FHIT: variants seen among roughly 807,000 people sequenced by gnomAD.
The protein encoded by FHIT is fragile histidine triad diadenosine triphosphatase.
In FHIT, 19 loss-of-function variants were observed where a neutral mutation model predicts 17.9. The ratio of observed to expected loss-of-function variants is 1.06; its 90% CI spans 0.74 to 1.56. FHIT has a LOEUF of 1.56. Among genes scored for constraint, FHIT ranks in the 40% most tolerant of loss-of-function variants. The pLI is 0.00. For missense variants in FHIT, 248 were observed against 189.2 expected, an observed-to-expected ratio of 1.31 and a Z score of -1.82; for synonymous variants, 81 against 69.7, an observed-to-expected ratio of 1.16 and a Z score of -0.81.
chr3:60,968,379 T>C (rs1047800977), intron 3 of FHIT, among the ~76,000 whole-genome samples: 26 of 151,998 alleles, frequency 1.7e-4, no homozygotes, highest in Non-Finnish European at 2.2e-4. Context: ...AACAAGAAAA[T>C]TGTTAATATT....
intron 8 of FHIT, among the ~76,000 whole-genome samples, chr3:59,854,562 C>T (rs1334608539): frequency 6.6e-6 from 1 of 152,172 alleles, no homozygotes; most frequent in Non-Finnish European, 1.5e-5. Flanking sequence ...TCTCACACCG[C>T]AGAGCACTCT....
chr3:60,074,120 C>G (rs1702902577), intron 5 of FHIT, among the ~76,000 whole-genome samples: 1 of 152,062 alleles, frequency 6.6e-6, no homozygotes. Flanking sequence ...GTGACAGACA[C>G]ATGGACTTAA....
At chr3:60,842,647 T>TATA (rs1406123749) in intron 3 of FHIT, among the ~76,000 whole-genome samples, 2,189 of 92,184 alleles carry the variant, frequency 0.024, 29 homozygotes, top group Non-Finnish European at 0.031. Context: ...ATATATATAT[T>TATA]TTTTTTTTTT....
chr3:60,569,173 C>T (rs1296721645), intron 4 of FHIT, among the ~76,000 whole-genome samples: 1 of 152,048 alleles, frequency 6.6e-6, no homozygotes, highest in Admixed American at 6.6e-5. Context: ...ACCAAGGTAA[C>T]ATTTCAGGCA....
intron 9 of FHIT, chr3:59,751,991 G>GA: frequency 2.3e-6 from 1 of 432,652 alleles, no homozygotes; most frequent in East Asian, 3.6e-5. Context: ...GTGGGCTGGG[G>GA]GCACTGGCTT....
At chr3:59,767,130 G>A (rs1375651568) in intron 8 of FHIT, among the ~76,000 whole-genome samples, 1 of 152,194 alleles carries the variant, frequency 6.6e-6, no homozygotes, top group Non-Finnish European at 1.5e-5. Flanking sequence ...TACAACAGGA[G>A]GGGGTCAGAT....
At chr3:61,026,576 T>C (rs777437141) in intron 3 of FHIT, among the ~76,000 whole-genome samples, 2 of 152,212 alleles carry the variant, frequency 1.3e-5, no homozygotes, top group Non-Finnish European at 2.9e-5. Context: ...GCCCACAGGC[T>C]GCACACAGCT....
intron 5 of FHIT, among the ~76,000 whole-genome samples, chr3:60,264,726 G>T (rs927092289): frequency 6.6e-6 from 1 of 151,856 alleles, no homozygotes; most frequent in Non-Finnish European, 1.5e-5. Context: ...TTATTTCAGT[G>T]GTTCTTGAAT....
At chr3:60,989,571 A>T (rs1283562075) in intron 3 of FHIT, among the ~76,000 whole-genome samples, 1 of 152,186 alleles carries the variant, frequency 6.6e-6, no homozygotes, top group African/African-American at 2.4e-5. Context: ...AACGTTGTCA[A>T]CTGAAGTTAG....
chr3:61,215,533 TAGG>T (rs1414849046), intron 1 of FHIT, among the ~76,000 whole-genome samples: 1 of 152,090 alleles, frequency 6.6e-6, no homozygotes, highest in Non-Finnish European at 1.5e-5. Context: ...TGCTCATGGG[TAGG>T]AAGAATCAAT....
intron 7 of FHIT, among the ~76,000 whole-genome samples, chr3:59,944,047 A>G (rs1283866402): frequency 6.6e-6 from 1 of 152,234 alleles, no homozygotes; most frequent in East Asian, 1.9e-4. Flanking sequence ...CTGTCTAAAT[A>G]CTAGCTATGA....
intron 5 of FHIT, among the ~76,000 whole-genome samples, chr3:60,227,899 AT>A (rs1326702576): frequency 6.6e-6 from 1 of 152,168 alleles, no homozygotes; most frequent in African/African-American, 2.4e-5. Context: ...TTCTTGATGG[AT>A]TTTATCAAAA....
At chr3:60,205,393 A>G (rs1703126035) in intron 5 of FHIT, among the ~76,000 whole-genome samples, 1 of 152,232 alleles carries the variant, frequency 6.6e-6, no homozygotes, top group African/African-American at 2.4e-5. Context: ...AAGTATAATC[A>G]TAGGTCAGAA....
At chr3:59,883,347 A>G (rs774060603) in intron 8 of FHIT, among the ~76,000 whole-genome samples, 1 of 152,198 alleles carries the variant, frequency 6.6e-6, no homozygotes, top group Non-Finnish European at 1.5e-5. Flanking sequence ...AAAGAAAAAG[A>G]GATTTAATGG....
In FHIT at chr3:59,889,841, G is replaced by A. The variant is rs1575648909; in HGVS notation, c.348+32505C>T. ...AGTAATAAATGTAAAATCCTAATGA[G>A]AGAACATACATTGGCTGGAAAAGGG... On this transcript the variant is annotated intron_variant, in intron 8 of 9. Transcript: ENST00000492590. Among the ~76,000 whole-genome samples, 4 of 152,172 alleles carry A rather than the reference G, an allele frequency of 2.6e-5. No homozygotes were observed. The South Asian group carries it at 6.2e-4, about 24-fold the overall frequency.
At chr3:61,167,338 C>T (rs977526692) in intron 2 of FHIT, among the ~76,000 whole-genome samples, 3 of 151,368 alleles carry the variant, frequency 2.0e-5, no homozygotes, top group African/African-American at 4.8e-5. Context: ...CATATACAGA[C>T]GTTAAAAGAA....
intron 3 of FHIT, among the ~76,000 whole-genome samples, chr3:60,981,674 T>C (rs1266742836): frequency 6.6e-6 from 1 of 152,026 alleles, no homozygotes; most frequent in Non-Finnish European, 1.5e-5. Context: ...AGTGATATGA[T>C]CATAGCACAC....
At chr3:60,470,143 C>T (rs758788391) in intron 5 of FHIT, among the ~76,000 whole-genome samples, 17 of 151,818 alleles carry the variant, frequency 1.1e-4, no homozygotes, top group Non-Finnish European at 1.9e-4. Flanking sequence ...GCCACTGGGA[C>T]TATATTGGGT....
chr3:61,016,089 A>G (rs2032089437), intron 3 of FHIT, among the ~76,000 whole-genome samples: 1 of 152,220 alleles, frequency 6.6e-6, no homozygotes, highest in Non-Finnish European at 1.5e-5. Flanking sequence ...AGGCCCAAAG[A>G]GGATGTGTTT....
Sources: gnomAD v4.1 joint callset for allele counts (sites outside exome capture counted in the v4.1 genomes callset) on GRCh38, gnomAD v4.1.1 for gene constraint, MANE v1.5 for transcripts, NCBI Gene and HGNC (gene_info 2026-07-23, HGNC 2026-07-21) for gene names.